Variants in ITGA6 observed in about 807,000 individuals in gnomAD.
The protein encoded by ITGA6 is integrin subunit alpha 6.
Under a neutral mutation model 133.6 loss-of-function variants are expected in ITGA6, and 63 were observed. That is an observed-to-expected ratio of 0.47 (90% CI 0.38 to 0.58). The LOEUF (loss-of-function observed/expected upper bound fraction) is 0.58. Ranked by LOEUF, ITGA6 falls within the 20% of genes least tolerant of loss-of-function variation. The pLI, the probability that ITGA6 is intolerant of heterozygous loss-of-function variation, is 0.00. For synonymous variants in ITGA6, 434 were observed against 482.0 expected (o/e 0.90, Z 1.30); for missense variants, 1,068 against 1,309.4 (o/e 0.82, Z 2.85).
Position 172,504,289 on chromosome 2 carries a change from A to T in ITGA6, c.*221A>T. The T allele has an allele frequency of 6.7e-7, 1 of 1,483,224 alleles. No homozygotes were observed. The allele number at this position is 1,483,224 out of a possible 1,614,324, so 91.9% of individuals were successfully genotyped here. Reference sequence around the variant, plus strand: ...AAAAAAAAAGCTTCACAGTACCCAAACTGCTTTTTCCAACTCAGAAATTCA... The same window carrying T: ...AAAAAAAAAGCTTCACAGTACCCAATCTGCTTTTTCCAACTCAGAAATTCA... On this transcript the variant is annotated 3_prime_UTR_variant, in exon 26 of 26. Coordinates refer to ENST00000684293, the MANE Select transcript of ITGA6 (RefSeq NM_000210.4).
At chr2:172,447,448 G>A (rs923830610) in intron 1 of ITGA6, among the ~76,000 whole-genome samples, 8 of 151,824 alleles carry the variant, frequency 5.3e-5, no homozygotes, top group South Asian at 2.1e-4. Flanking sequence ...CAAGTGATTC[G>A]CCCATCTCAG....
intron 23 of ITGA6, chr2:172,495,509 G>A (rs1027555208): frequency 1.3e-5 from 2 of 152,098 alleles, no homozygotes; most frequent in African/African-American, 4.8e-5. Context: ...ATCCCAGCTG[G>A]AGAATGACTG....
At chr2:172,469,409 G>T (rs1354021675) in intron 4 of ITGA6, 29 bp downstream of exon 4, 1 of 1,577,994 alleles carries the variant, frequency 6.3e-7, no homozygotes, top group Non-Finnish European at 8.7e-7. Context: ...TAGAAATAGA[G>T]ATTAGTTCCC....
chr2:172,439,755 A>T (rs1684466740), intron 1 of ITGA6, among the ~76,000 whole-genome samples: 1 of 152,210 alleles, frequency 6.6e-6, no homozygotes, highest in African/African-American at 2.4e-5. Context: ...ACTGAGACCC[A>T]GAAAAGTCAA....
intron 1 of ITGA6, among the ~76,000 whole-genome samples, chr2:172,453,290 G>A (rs568162155): frequency 6.6e-6 from 1 of 152,150 alleles, no homozygotes; most frequent in East Asian, 1.9e-4. Flanking sequence ...ACTTCCGGAG[G>A]CCGAGGCAGG....
chr2:172,437,841 A>G (rs1330137230), intron 1 of ITGA6, among the ~76,000 whole-genome samples: 1 of 148,390 alleles, frequency 6.7e-6, no homozygotes, highest in Non-Finnish European at 1.5e-5. Context: ...GCAGGAGGAG[A>G]GGGAGGGAGT....
rs145641588 is a variant in ITGA6 at position 172,474,201 on chromosome 2, G to A, written c.922G>A (p.Asp308Asn). Residue 308 changes from aspartate to asparagine, a missense_variant, in exon 6 of 26, where the codon GAT (aspartate) becomes AAT (asparagine). This residue lies in a region of ITGA6 where 317 missense variants were observed against 456.9 expected (regional missense o/e 0.69). Coordinates refer to ENST00000684293, the MANE Select transcript of ITGA6 (RefSeq NM_000210.4). ...ACATCTCCTCCCTGAGCACATATTC[G>A]ATGGAGAAGGTCTGGCCTCTTCATT... Reference protein sequence around the residue: ...SAHLLPEHIFDGEGLASSFGY... With the variant: ...SAHLLPEHIFNGEGLASSFGY... 20 of 1,614,118 alleles carry A rather than the reference G, an allele frequency of 1.2e-5. No homozygotes were observed. The Admixed American group carries it at 1.5e-4, about 12-fold the overall frequency.
Position 172,491,310 on chromosome 2 carries a change from A to C in ITGA6, c.2868A>C (p.Leu956Phe). ...SKASLILRSR[L>F]WNSTFLEEYS... The stretch of plus-strand genomic sequence containing the variant: ...CGTCTCTTATTTTGCGCTCGAGGTT[A>C]TGGAACAGCACATTTCTAGAGGTAT... The change falls in exon 22 of 26, where the codon TTA becomes TTC. Residue 956 changes from leucine (L) to phenylalanine (F), a missense_variant. This residue lies in a region of ITGA6 where 609 missense variants were observed against 707.2 expected (regional missense o/e 0.86). Transcript: ENST00000684293. The surrounding 1 kb of genome is among the most constrained non-coding windows in gnomAD (Gnocchi z 4.4). 6.2e-7 allele frequency: 1 copy of C among 1,610,448 alleles called. No individual in the cohort carries two copies.
intron 1 of ITGA6, among the ~76,000 whole-genome samples, chr2:172,444,934 GT>G (rs1009171601): frequency 6.6e-6 from 1 of 151,402 alleles, no homozygotes; most frequent in African/African-American, 2.4e-5. Flanking sequence ...CAATGTAAGC[GT>G]TTAGGCATAT....
intron 11 of ITGA6, among the ~76,000 whole-genome samples, chr2:172,484,150 C>T (rs541354579): frequency 4.6e-5 from 7 of 152,202 alleles, no homozygotes; most frequent in Non-Finnish European, 5.9e-5. Flanking sequence ...ATCCTACTGT[C>T]GAAAGACTTC....
chr2:172,505,613 G>A lies in ITGA6; in HGVS notation c.*1545G>A, dbSNP rs563118615. The A allele has an allele frequency of 2.0e-5, 3 of 152,680 alleles. No homozygotes were observed. Among genetic ancestry groups the A allele is most frequent in the African/African-American group, 7.2e-5 (3 of 41,552 alleles). 9.5% of individuals were successfully genotyped at this position (152,680 alleles called of 1,614,324 possible). A position where few individuals can be genotyped will look rare whatever the true frequency, so the allele number is the denominator to read the frequency against. ...TAATTACCATGCTTCACAATGTTAAGTTATATGGGGAGCAACAGCAAACAG... is the reference window on the plus strand; with the variant it reads ...TAATTACCATGCTTCACAATGTTAAATTATATGGGGAGCAACAGCAAACAG... On this transcript the variant is annotated 3_prime_UTR_variant, in exon 26 of 26. Transcript: ENST00000684293.
At chr2:172,492,368 A>G (rs1396507466) in intron 23 of ITGA6, among the ~76,000 whole-genome samples, 1 of 152,246 alleles carries the variant, frequency 6.6e-6, no homozygotes, top group Non-Finnish European at 1.5e-5. Context: ...TGTTTCCAGT[A>G]TCCTGTCCTT....
Position 172,436,834 on chromosome 2 carries a change from C to T in ITGA6, c.182+8864C>T, listed in dbSNP as rs118036343. ...ACAAAATCCCTGCCTATGTTCTGAT[C>T]GGGGAGACAAACCATAAACAAAAAG... On this transcript the variant is annotated intron_variant, in intron 1 of 25. Coordinates refer to ENST00000684293, the MANE Select transcript of ITGA6 (RefSeq NM_000210.4). 4.6e-4 allele frequency among the ~76,000 whole-genome samples: 70 copies of T among 152,184 alleles called. 1 individual carries two copies. The East Asian group carries it at 0.011, about 24-fold the overall frequency.
At chr2:172,428,109 C>A (rs183620611) in intron 1 of ITGA6, 139 bp downstream of exon 1, 1 of 743,194 alleles carries the variant, frequency 1.3e-6, no homozygotes, top group Non-Finnish European at 1.8e-6. Context: ...GCGCACCCAG[C>A]GCCCAGCGCG....
At chr2:172,458,395 G>A (rs570566980) in intron 1 of ITGA6, among the ~76,000 whole-genome samples, 5 of 151,908 alleles carry the variant, frequency 3.3e-5, no homozygotes, top group South Asian at 4.2e-4. Context: ...GTGAGCCACC[G>A]CACCCGGCCA....
chr2:172,427,547 C>G (rs1011758741), upstream of ITGA6: 2 of 1,183,386 alleles, frequency 1.7e-6, no homozygotes, highest in Non-Finnish European at 2.1e-6. Context: ...GGCCGGCGTC[C>G]TCGTCACTTG....
At chr2:172,449,780 G>T (rs149704863) in intron 1 of ITGA6, among the ~76,000 whole-genome samples, 5,815 of 152,086 alleles carry the variant, frequency 0.038, 250 homozygotes, top group African/African-American at 0.11. Context: ...AATTAGCCCG[G>T]CATGGTGGCA....
At chr2:172,497,869 G>C (rs1428699365) in intron 23 of ITGA6, 106 bp from the exon 24 acceptor site, 13 of 1,157,104 alleles carry the variant, frequency 1.1e-5, no homozygotes, top group Non-Finnish European at 1.6e-5. Flanking sequence ...CCATTCACAG[G>C]CTGCATTGTC....
In ITGA6 at chr2:172,427,739, G is replaced by A; in HGVS notation, c.-50G>A. 1.3e-6 allele frequency: 2 copies of A among 1,513,696 alleles called. No individual in the cohort carries two copies. Among genetic ancestry groups the A allele is most frequent in the Non-Finnish European group, 1.8e-6 (2 of 1,130,754 alleles). 93.8% of individuals were successfully genotyped at this position (1,513,696 alleles called of 1,614,324 possible). ...GCGGCAGCCTCGGACCCAGCCCGGAGCGCAGGGCGGCCGCTGCAGGTCCCC... is the reference window on the plus strand; with the variant it reads ...GCGGCAGCCTCGGACCCAGCCCGGAACGCAGGGCGGCCGCTGCAGGTCCCC... On this transcript the variant is annotated 5_prime_UTR_variant, in exon 1 of 26. Coordinates refer to ENST00000684293, the MANE Select transcript of ITGA6 (RefSeq NM_000210.4).
Sources: allele counts gnomAD v4.1 joint callset (sites outside exome capture counted in the v4.1 genomes callset), GRCh38; gene constraint gnomAD v4.1.1; regional missense constraint gnomAD v4.1.1; non-coding constraint Gnocchi (gnomAD v3.1); transcripts MANE v1.5; gene names NCBI Gene and HGNC (gene_info 2026-07-23, HGNC 2026-07-21).